ZNF496: variants seen among roughly 807,000 people sequenced by gnomAD.
ZNF496 encodes the protein zinc finger protein 496.
A neutral mutation model predicts 58.9 loss-of-function variants in ZNF496; 11 were observed. That is an observed-to-expected ratio of 0.19 (90% CI 0.12 to 0.31). ZNF496 has a LOEUF of 0.31. Ranked by LOEUF, ZNF496 falls within the 10% of genes least tolerant of loss-of-function variation. The pLI, the probability that ZNF496 is intolerant of heterozygous loss-of-function variation, is 1.00. For missense variants in ZNF496, 660 were observed against 783.0 expected, an observed-to-expected ratio of 0.84 and a Z score of 1.88; for synonymous variants, 338 against 318.2, an observed-to-expected ratio of 1.06 and a Z score of -0.66.
At position 247,328,735 on chromosome 1, in the gene ZNF496, T is replaced by C. The variant is rs1200680035; in HGVS notation, c.522A>G (p.Ala174=). The part of the protein sequence containing the change: ...KNQDAQPITL[A]QCLGLPSRPP... ...GTCTGCTTGGGAGCCCCAGGCACTG[T>C]GCCAGGGTTATGGGCTGGGCATCCT... Residue 174 remains alanine, a synonymous_variant, in exon 5 of 10, where the codon GCA becomes GCG. Transcript: ENST00000682384. 1.2e-6 allele frequency: 2 copies of C among 1,612,722 alleles called. No individual in the cohort carries two copies. The highest frequency in any genetic ancestry group is 2.2e-5 in the South Asian group (2 of 90,860).
Position 247,300,348 on chromosome 1 carries a change from G to A in ZNF496, c.*171C>T. ...CTTGGCCACTCTTTCATTACCTGGGGGAGGGAGAGTGCTCCCATGGCACCA... is the reference window on the plus strand; with the variant it reads ...CTTGGCCACTCTTTCATTACCTGGGAGAGGGAGAGTGCTCCCATGGCACCA... On this transcript the variant is annotated 3_prime_UTR_variant, in exon 10 of 10. Transcript: ENST00000682384. The surrounding 1 kb of genome is among the most constrained non-coding windows in gnomAD (Gnocchi z 5.7). 1.6e-6 allele frequency: 1 copy of A among 609,846 alleles called. No individual in the cohort carries two copies. The highest frequency in any genetic ancestry group is 3.7e-5 in the South Asian group (1 of 27,338). 37.8% of individuals were successfully genotyped at this position (609,846 alleles called of 1,614,324 possible).
At chr1:247,306,198 CT>C (rs527869314) in intron 9 of ZNF496, among the ~76,000 whole-genome samples, 552 of 141,568 alleles carry the variant, frequency 3.9e-3, no homozygotes, top group Non-Finnish European at 3.8e-3. Flanking sequence ...GAGTTCAAAT[CT>C]TTTTTTTTTT....
chr1:247,321,594 C>T (rs1659965658), intron 6 of ZNF496, among the ~76,000 whole-genome samples: 2 of 152,148 alleles, frequency 1.3e-5, no homozygotes, highest in South Asian at 4.1e-4. Context: ...ACTTTTAGTG[C>T]ACTGGGAAGA....
In ZNF496 at chr1:247,309,303, C is replaced by G. The variant is rs12034919; in HGVS notation, c.892+396G>C. The G allele has an allele frequency of 1.2e-6, 1 of 814,828 alleles. No homozygotes were observed. Among genetic ancestry groups the G allele is most frequent in the South Asian group, 4.3e-5 (1 of 23,344 alleles). 50.5% of individuals were successfully genotyped at this position (814,828 alleles called of 1,614,324 possible). Reference sequence around the variant, plus strand: ...GTACCAGGCAGATGGGAAGACTAGACAGGTGAGGCACCTCAAAGGGCTGCG... The same window carrying G: ...GTACCAGGCAGATGGGAAGACTAGAGAGGTGAGGCACCTCAAAGGGCTGCG... On this transcript the variant is annotated intron_variant, in intron 8 of 9. Transcript: ENST00000682384. The surrounding 1 kb of genome is among the most constrained non-coding windows in gnomAD (Gnocchi z 4.3).
At chr1:247,312,939 T>C (rs979685344) in intron 6 of ZNF496, 1 of 152,126 alleles carries the variant, frequency 6.6e-6, no homozygotes, top group Non-Finnish European at 1.5e-5. Flanking sequence ...TCTAACAAAA[T>C]ACCGCAGACT....
intron 7 of ZNF496, 172 bp downstream of exon 7, chr1:247,310,152 C>CT: frequency 6.9e-7 from 1 of 1,445,808 alleles, no homozygotes; most frequent in Non-Finnish European, 9.1e-7. Flanking sequence ...GACACACTGC[C>CT]TGTAGGGCCG....
rs1659157384 is a variant in ZNF496, at chr1:247,298,989, C to A, written c.*1530G>T. 1 of 152,216 alleles carries A rather than the reference C, an allele frequency of 6.6e-6. No individual in the cohort carries two copies. The highest frequency in any genetic ancestry group is 1.5e-5 in the Non-Finnish European group (1 of 68,050). 9.4% of individuals were successfully genotyped at this position (152,216 alleles called of 1,614,324 possible). On this transcript the variant is annotated 3_prime_UTR_variant, in exon 10 of 10. Coordinates refer to ENST00000682384, the MANE Select transcript of ZNF496 (RefSeq NM_032752.3). ...GAGTATGATTCTTCCATGCAGAGGA[C>A]ACCTGCCCTAAATGCTGAAACTTGG...
At chr1:247,320,291 A>G (rs1659918914) in intron 6 of ZNF496, among the ~76,000 whole-genome samples, 1 of 152,264 alleles carries the variant, frequency 6.6e-6, no homozygotes, top group South Asian at 2.1e-4. Context: ...AATACTACTC[A>G]GCAACGAAAA....
At chr1:247,302,513 G>A (rs1456113334) in intron 9 of ZNF496, among the ~76,000 whole-genome samples, 1 of 151,856 alleles carries the variant, frequency 6.6e-6, no homozygotes, top group Non-Finnish European at 1.5e-5. Context: ...TGTACAGATG[G>A]GGTCACATTA....
chr1:247,314,219 T>G (rs1203864558), intron 6 of ZNF496, among the ~76,000 whole-genome samples: 3 of 151,936 alleles, frequency 2.0e-5, no homozygotes, highest in Non-Finnish European at 4.4e-5. Flanking sequence ...CCACCACGCC[T>G]GGCTAATTTT....
At chr1:247,305,755 A>G (rs1253628206) in intron 9 of ZNF496, among the ~76,000 whole-genome samples, 6 of 152,234 alleles carry the variant, frequency 3.9e-5, no homozygotes, top group African/African-American at 1.4e-4. Flanking sequence ...AAGATGACGA[A>G]TAAGTGTACC....
At chr1:247,301,315 G>A (rs1659228599) in intron 9 of ZNF496, 39 bp from the exon 10 acceptor site, 2 of 1,496,022 alleles carry the variant, frequency 1.3e-6, no homozygotes, top group Non-Finnish European at 1.8e-6. Context: ...ACGCTGCACA[G>A]GCCACATCCC....
chr1:247,330,870 G>A (rs1660300041), intron 2 of ZNF496, among the ~76,000 whole-genome samples: 1 of 152,272 alleles, frequency 6.6e-6, no homozygotes. Flanking sequence ...GAACAACTGA[G>A]TGGTTCCAGA....
chr1:247,328,776 C>T lies in ZNF496; in HGVS notation c.481G>A (p.Asp161Asn), dbSNP rs74634615. 1,741 of 1,613,792 alleles carry T rather than the reference C, an allele frequency of 1.1e-3. 12 individuals are homozygous for T. The East Asian group carries it at 0.015, about 14-fold the overall frequency. Reference protein sequence around the residue: ...QEQLPVEPHSDLAKNQDAQPI... With the variant: ...QEQLPVEPHSNLAKNQDAQPI... The stretch of plus-strand genomic sequence containing the variant: ...TGGGCATCCTGGTTCTTTGCAAGGT[C>T]GCTGTGGGGCTCTACCGGCAGCTGC... Residue 161 changes from aspartate to asparagine, a missense_variant, in exon 5 of 10, where the codon GAC (aspartate) becomes AAC (asparagine). Coordinates refer to ENST00000682384, the MANE Select transcript of ZNF496 (RefSeq NM_032752.3).
chr1:247,323,801 G>A (rs973512005), intron 5 of ZNF496, among the ~76,000 whole-genome samples: 2 of 151,718 alleles, frequency 1.3e-5, no homozygotes, highest in South Asian at 2.1e-4. Flanking sequence ...AGAAAAAGCC[G>A]TAGAGTTGAG....
In ZNF496 at chr1:247,307,690, A is replaced by C. The variant is rs139242547; in HGVS notation, c.1006+785T>G. 817 of 985,414 alleles carry C rather than the reference A, an allele frequency of 8.3e-4. 6 individuals carry two copies. In the African/African-American group the frequency reaches 0.013, roughly 16 times the overall value. 61.0% of individuals were successfully genotyped at this position (985,414 alleles called of 1,614,324 possible). Reference sequence around the variant, plus strand: ...TACAAGATGCATGGAGCTGGGTCAAAATGGCATAAATCTTGCCTTCAAAAG... The same window carrying C: ...TACAAGATGCATGGAGCTGGGTCAACATGGCATAAATCTTGCCTTCAAAAG... On this transcript the variant is annotated intron_variant, in intron 9 of 9. Transcript: ENST00000682384.
Position 247,301,335 on chromosome 1 carries a change from G to T in ZNF496, c.1007-59C>A. 4.1e-6 allele frequency: 6 copies of T among 1,475,578 alleles called. No homozygotes were observed. The South Asian group carries it at 8.9e-5, about 22-fold the overall frequency. The allele number at this position is 1,475,578 out of a possible 1,614,324, so 91.4% of individuals were successfully genotyped here. Reference sequence around the variant, plus strand: ...GCACAGGCCACATCCCAGCCCCTATGACCGCGGCGGAGGAACACTCAGCTT... The same window carrying T: ...GCACAGGCCACATCCCAGCCCCTATTACCGCGGCGGAGGAACACTCAGCTT... On this transcript the variant is annotated intron_variant, in intron 9 of 9. Coordinates refer to ENST00000682384, the MANE Select transcript of ZNF496 (RefSeq NM_032752.3).
chr1:247,313,180 C>T (rs1281812270), intron 6 of ZNF496: 4 of 152,260 alleles, frequency 2.6e-5, no homozygotes. Flanking sequence ...CTGATCATCT[C>T]CCCAGTGCCC....
In ZNF496 at chr1:247,301,045, T is replaced by C. The variant is rs1455315023; in HGVS notation, c.1238A>G (p.Lys413Arg). 3 of 1,613,604 alleles carry C rather than the reference T, an allele frequency of 1.9e-6. No individual in the cohort carries two copies. Among genetic ancestry groups the C allele is most frequent in the Non-Finnish European group, 1.7e-6 (2 of 1,180,040 alleles). ...GAAGTTGACCCTCCAGCGGAAGATT[T>C]TCCCACAGTTCGGACACACGTAGGA... ...KKSYVCPNCG[K>R]IFRWRVNFIR... The change falls in exon 10 of 10, where the codon AAA becomes AGA. Residue 413 changes from lysine (K) to arginine (R), a missense_variant. Transcript: ENST00000682384.
Sources: gnomAD v4.1 joint callset for allele counts (sites outside exome capture counted in the v4.1 genomes callset) on GRCh38, gnomAD v4.1.1 for gene constraint, Gnocchi (gnomAD v3.1) non-coding constraint, MANE v1.5 for transcripts, NCBI Gene and HGNC (gene_info 2026-07-23, HGNC 2026-07-21) for gene names.